The following SLC7A7 variants were observed in gnomAD, a reference collection of about 807,000 sequenced individuals.
SLC7A7 encodes solute carrier family 7 member 7, also known as Y+L amino acid transporter 1.
SLC7A7 carries 39 observed loss-of-function variants against 47.9 expected under a neutral mutation model. That is an observed-to-expected ratio of 0.81 (90% CI 0.63 to 1.06). SLC7A7 has a LOEUF of 1.06. Among genes scored for constraint, SLC7A7 ranks in the 50% least tolerant of loss-of-function variants. SLC7A7 has a pLI of 0.00. For synonymous variants in SLC7A7, 234 were observed against 242.8 expected (o/e 0.96, Z 0.34); for missense variants, 588 against 632.0 (o/e 0.93, Z 0.75).
At chr14:22,776,948 G>A (rs893352227) in intron 4 of SLC7A7, among the ~76,000 whole-genome samples, 7 of 147,862 alleles carry the variant, frequency 4.7e-5, no homozygotes, top group African/African-American at 1.3e-4. Context: ...CAGCATGGGC[G>A]ACAGAGCGAG....
chr14:22,813,550 CCTCCAAATAACCTTTT>C, intron 1 of SLC7A7, 110 bp from the exon 2 acceptor site: 2 of 828,060 alleles, frequency 2.4e-6, no homozygotes, highest in South Asian at 2.9e-5. Flanking sequence ...AATGCGGAGA[CCTCCAAATAACCTTTT>C]CTCCAGCTCA....
chr14:22,804,759 G>A (rs1189113933), intron 2 of SLC7A7, among the ~76,000 whole-genome samples: 12 of 152,098 alleles, frequency 7.9e-5, no homozygotes, highest in African/African-American at 2.9e-4. Context: ...TCGGGAGGCT[G>A]AGGCAGGTGG....
intron 2 of SLC7A7, among the ~76,000 whole-genome samples, chr14:22,787,990 G>A (rs898863039): frequency 2.7e-5 from 4 of 148,634 alleles, no homozygotes; most frequent in Non-Finnish European, 6.0e-5. Flanking sequence ...GGAGAATGGC[G>A]TGAACCCGGG....
chr14:22,779,810 T>C (rs2038683561), intron 3 of SLC7A7, 116 bp downstream of exon 3: 3 of 972,280 alleles, frequency 3.1e-6, no homozygotes, highest in South Asian at 2.8e-5. Context: ...ATAATAATAG[T>C]GCCCACCGAA....
intron 4 of SLC7A7, among the ~76,000 whole-genome samples, chr14:22,777,617 T>C (rs1398449277): frequency 3.3e-5 from 5 of 152,228 alleles, no homozygotes; most frequent in African/African-American, 1.2e-4. Flanking sequence ...AATAGAGTCA[T>C]GCAGTTTCTG....
intron 2 of SLC7A7, among the ~76,000 whole-genome samples, chr14:22,791,441 C>T (rs1285699615): frequency 6.6e-6 from 1 of 152,178 alleles, no homozygotes; most frequent in African/African-American, 2.4e-5. Flanking sequence ...TGAGACATCT[C>T]AGCTATCTTC....
intron 4 of SLC7A7, 139 bp from the exon 5 acceptor site, chr14:22,776,457 T>G: frequency 9.0e-7 from 1 of 1,117,034 alleles, no homozygotes. Flanking sequence ...CATTTGTCTT[T>G]GACGGTGCCC....
chr14:22,779,819 A>C, intron 3 of SLC7A7, 107 bp downstream of exon 3: 5 of 1,064,962 alleles, frequency 4.7e-6, no homozygotes, highest in Non-Finnish European at 5.7e-6. Context: ...GTGCCCACCG[A>C]ATAAGGTTAT....
intron 2 of SLC7A7, among the ~76,000 whole-genome samples, chr14:22,799,675 G>A (rs191035807): frequency 3.3e-5 from 5 of 151,888 alleles, no homozygotes; most frequent in East Asian, 1.9e-4. Flanking sequence ...GGCTGGTCTC[G>A]AACTCCTGGC....
intron 7 of SLC7A7, 90 bp downstream of exon 7, chr14:22,775,354 G>A: frequency 9.5e-7 from 1 of 1,047,586 alleles, no homozygotes; most frequent in South Asian, 1.3e-5. Flanking sequence ...GAATCTTTCA[G>A]AGCTTTCAGG....
At chr14:22,779,466 T>TGG (rs35748274) in intron 3 of SLC7A7, among the ~76,000 whole-genome samples, 3 of 127,176 alleles carry the variant, frequency 2.4e-5, no homozygotes, top group African/African-American at 7.9e-5. Context: ...TTTTTTTTTT[T>TGG]GGGGGGGGGA....
intron 2 of SLC7A7, among the ~76,000 whole-genome samples, chr14:22,788,711 A>G (rs2038870369): frequency 1.3e-5 from 2 of 151,990 alleles, no homozygotes; most frequent in South Asian, 4.1e-4. Flanking sequence ...CTGGGAAAAA[A>G]AAAAAAAAAA....
chr14:22,799,448 C>CTTTTTTTTTT (rs56375225), intron 2 of SLC7A7, among the ~76,000 whole-genome samples: 7 of 76,170 alleles, frequency 9.2e-5, no homozygotes, highest in African/African-American at 1.0e-4. Flanking sequence ...TTTTTTCTTT[C>CTTTTTTTTTT]TTTTTTTTTT....
chr14:22,793,180 G>A (rs35718984), intron 2 of SLC7A7, among the ~76,000 whole-genome samples: 21,050 of 151,870 alleles, frequency 0.14, 1,599 homozygotes, highest in East Asian at 0.2. Context: ...GCTTCCCAAA[G>A]TGCTGGGATT....
chr14:22,815,701 G>GT (rs1209711568), upstream of SLC7A7: 1 of 453,946 alleles, frequency 2.2e-6, no homozygotes, highest in Non-Finnish European at 4.4e-6. Flanking sequence ...GCTGAGTGCA[G>GT]TATCTGTAGC....
chr14:22,802,654 C>T (rs924444491), intron 2 of SLC7A7, among the ~76,000 whole-genome samples: 3 of 152,122 alleles, frequency 2.0e-5, no homozygotes, highest in Non-Finnish European at 4.4e-5. Flanking sequence ...CCCCAACTGC[C>T]ATCACCGTAG....
upstream of SLC7A7, chr14:22,817,139 T>A (rs1000490643): frequency 7.1e-6 from 1 of 139,866 alleles, no homozygotes; most frequent in Non-Finnish European, 1.5e-5. Flanking sequence ...ATTTTTTTTT[T>A]TTTTTATTTA....
upstream of SLC7A7, among the ~76,000 whole-genome samples, chr14:22,818,403 T>C (rs1274533914): frequency 6.6e-6 from 1 of 151,930 alleles, no homozygotes; most frequent in Non-Finnish European, 1.5e-5. Context: ...CCCTCTTTTC[T>C]CAACCACTAC....
intron 2 of SLC7A7, among the ~76,000 whole-genome samples, chr14:22,803,148 G>A (rs1392387125): frequency 3.9e-5 from 6 of 152,082 alleles, no homozygotes; most frequent in Non-Finnish European, 7.4e-5. Flanking sequence ...GGCCAGGCAC[G>A]GTGGCTCATG....
Sources: allele counts gnomAD v4.1 joint callset (sites outside exome capture counted in the v4.1 genomes callset), GRCh38; gene constraint gnomAD v4.1.1; transcripts MANE v1.5; gene names NCBI Gene and HGNC (gene_info 2026-07-23, HGNC 2026-07-21).